Variants in EIPR1 observed in about 807,000 individuals in gnomAD.
EIPR1 encodes the protein EARP complex and GARP complex interacting protein 1, also known as EARP and GARP complex-interacting protein 1.
A neutral mutation model predicts 48.1 loss-of-function variants in EIPR1; 25 were observed. That is an observed-to-expected ratio of 0.52 (90% CI 0.38 to 0.73). The LOEUF (loss-of-function observed/expected upper bound fraction) is 0.73. Among genes scored for constraint, EIPR1 ranks in the 30% least tolerant of loss-of-function variants. The pLI, the probability that EIPR1 is intolerant of heterozygous loss-of-function variation, is 0.00. For missense variants in EIPR1, 415 were observed against 506.2 expected (o/e 0.82, Z 1.73); for synonymous variants, 204 against 201.9 (o/e 1.01, Z -0.09).
At chr2:3,270,591 T>A (rs1667674969) in intron 3 of EIPR1, among the ~76,000 whole-genome samples, 1 of 152,222 alleles carries the variant, frequency 6.6e-6, no homozygotes, top group Admixed American at 6.5e-5. Flanking sequence ...ATGTAAAAGT[T>A]ATGCTGACAC....
chr2:3,249,342 G>C (rs975973178), intron 4 of EIPR1, among the ~76,000 whole-genome samples: 2 of 152,232 alleles, frequency 1.3e-5, no homozygotes, highest in Non-Finnish European at 2.9e-5. Context: ...CATTCCCTGG[G>C]AATCTGTGGA....
intron 2 of EIPR1, 107 bp from the exon 3 acceptor site, chr2:3,338,256 T>C: frequency 1.5e-6 from 2 of 1,323,030 alleles, no homozygotes; most frequent in South Asian, 1.4e-5. Context: ...TCGTGACAGA[T>C]ACATCTTTAG....
At chr2:3,293,235 C>T (rs4854166) in intron 3 of EIPR1, among the ~76,000 whole-genome samples, 32,221 of 152,204 alleles carry the variant, frequency 0.21, 3,621 homozygotes, top group Non-Finnish European at 0.25. Context: ...AGCCGGCCTG[C>T]AGCACTCTAA....
chr2:3,314,497 T>C (rs941229397), intron 3 of EIPR1, among the ~76,000 whole-genome samples: 2 of 152,158 alleles, frequency 1.3e-5, no homozygotes, highest in African/African-American at 4.8e-5. Context: ...GATTTTCATA[T>C]TTTCACTGTA....
At chr2:3,341,258 C>T (rs147597523) in intron 2 of EIPR1, among the ~76,000 whole-genome samples, 3 of 152,256 alleles carry the variant, frequency 2.0e-5, no homozygotes, top group East Asian at 3.9e-4. Flanking sequence ...GAAGGAGCAC[C>T]TTGTGCGATT....
At chr2:3,357,685 T>C (rs1252657827) in intron 1 of EIPR1, among the ~76,000 whole-genome samples, 1 of 152,244 alleles carries the variant, frequency 6.6e-6, no homozygotes, top group East Asian at 1.9e-4. Flanking sequence ...TATAAATTTG[T>C]CCTGACCACA....
intron 2 of EIPR1, among the ~76,000 whole-genome samples, chr2:3,347,217 G>T (rs970561002): frequency 6.6e-6 from 1 of 152,096 alleles, no homozygotes; most frequent in Non-Finnish European, 1.5e-5. Context: ...ACCCAGTCTC[G>T]GGTATTTCTA....
At chr2:3,223,957 G>T (rs1216612678) in intron 4 of EIPR1, among the ~76,000 whole-genome samples, 3 of 152,096 alleles carry the variant, frequency 2.0e-5, no homozygotes, top group Non-Finnish European at 4.4e-5. Flanking sequence ...ACCATCCCGG[G>T]AACAAACGCT....
chr2:3,209,196 G>A (rs1342313991), intron 5 of EIPR1, among the ~76,000 whole-genome samples: 4 of 152,178 alleles, frequency 2.6e-5, no homozygotes, highest in South Asian at 4.1e-4. Flanking sequence ...AAGGAGACAC[G>A]CAGTGGGGCT....
chr2:3,229,299 C>T lies in EIPR1; in HGVS notation c.417-15051G>A, dbSNP rs555946106. On this transcript the variant is annotated intron_variant, in intron 4 of 8. Coordinates refer to ENST00000382125, the MANE Select transcript of EIPR1 (RefSeq NM_003310.5). ...GCCTATCACAACCAGGTTTACACTT[C>T]GTGTGCCTGCTGCTTTAGCACATCC... Among the ~76,000 whole-genome samples the T allele has an allele frequency of 7.9e-5, 12 of 152,326 alleles. No homozygotes were observed. The East Asian group carries it at 9.7e-4, about 12-fold the overall frequency.
chr2:3,368,611 G>T (rs908073674), intron 1 of EIPR1, among the ~76,000 whole-genome samples: 15 of 152,202 alleles, frequency 9.9e-5, no homozygotes, highest in Non-Finnish European at 1.5e-5. Context: ...CAACAAAGAA[G>T]ATCTATTAAT....
At chr2:3,260,599 G>A (rs1325993768) in intron 3 of EIPR1, among the ~76,000 whole-genome samples, 1 of 151,782 alleles carries the variant, frequency 6.6e-6, no homozygotes, top group African/African-American at 2.4e-5. Context: ...ACAGACTGGG[G>A]GAGATATTTA....
At chr2:3,369,283 G>A (rs1426219892) in intron 1 of EIPR1, among the ~76,000 whole-genome samples, 1 of 152,208 alleles carries the variant, frequency 6.6e-6, no homozygotes, top group Non-Finnish European at 1.5e-5. Context: ...AACAGCTCCG[G>A]TCTAGAGCTC....
At chr2:3,267,161 G>A (rs184863784) in intron 3 of EIPR1, among the ~76,000 whole-genome samples, 106 of 152,326 alleles carry the variant, frequency 7.0e-4, no homozygotes, top group African/African-American at 2.5e-3. Context: ...TCCAACCTGC[G>A]GCTATTTCTC....
chr2:3,365,931 C>T (rs367953273), intron 1 of EIPR1, among the ~76,000 whole-genome samples: 290 of 107,850 alleles, frequency 2.7e-3, no homozygotes, highest in African/African-American at 7.6e-3. Context: ...GTCAGCCCCC[C>T]GCCCGGCCAG....
chr2:3,257,279 T>C lies in EIPR1; in HGVS notation c.416+20A>G. On this transcript the variant is annotated intron_variant, in intron 4 of 8. Transcript: ENST00000382125. ...AACCTGCAGGCTCGTTCTGGGCGCA[T>C]GAAATATGCAAAATCCTACCAGGCC... 1.2e-6 allele frequency: 2 copies of C among 1,606,320 alleles called. No homozygotes were observed. The highest frequency in any genetic ancestry group is 8.5e-7 in the Non-Finnish European group (1 of 1,174,386).
chr2:3,264,271 A>G (rs1343832420), intron 3 of EIPR1, among the ~76,000 whole-genome samples: 1 of 152,202 alleles, frequency 6.6e-6, no homozygotes, highest in Non-Finnish European at 1.5e-5. Context: ...TATTCCACTC[A>G]AGACCTCTAG....
chr2:3,210,099 T>A (rs149054602), intron 5 of EIPR1, among the ~76,000 whole-genome samples: 100 of 151,930 alleles, frequency 6.6e-4, no homozygotes, highest in African/African-American at 2.3e-3. Flanking sequence ...GGGGATATGC[T>A]GAGAGTGAGG....
intron 3 of EIPR1, among the ~76,000 whole-genome samples, chr2:3,283,014 T>C (rs2103262215): frequency 6.6e-6 from 1 of 152,378 alleles, no homozygotes; most frequent in East Asian, 1.9e-4. Flanking sequence ...TTTTACTTAA[T>C]GCAAACTCTG....
Sources: allele counts gnomAD v4.1 joint callset (sites outside exome capture counted in the v4.1 genomes callset), GRCh38; gene constraint gnomAD v4.1.1; transcripts MANE v1.5; gene names NCBI Gene and HGNC (gene_info 2026-07-23, HGNC 2026-07-21).